ELK3: variants seen among roughly 807,000 people sequenced by gnomAD.
The protein encoded by ELK3 is ETS domain-containing protein Elk-3.
Under a neutral mutation model 28.9 loss-of-function variants are expected in ELK3, and 10 were observed. The ratio of observed to expected loss-of-function variants is 0.35; its 90% confidence interval spans 0.21 to 0.59. The LOEUF (loss-of-function observed/expected upper bound fraction) is 0.59, where lower values mean the gene tolerates loss of function less well. Ranked by LOEUF, ELK3 falls within the 20% of genes least tolerant of loss-of-function variation. The pLI is 0.82. For synonymous variants in ELK3, 272 were observed against 243.5 expected, an observed-to-expected ratio of 1.12 and a Z score of -1.09; for missense variants, 463 against 517.3, an observed-to-expected ratio of 0.90 and a Z score of 1.02.
In ELK3 at chr12:96,224,921, G is replaced by A. The variant is rs139978970; in HGVS notation, c.207+1148G>A. On this transcript the variant is annotated intron_variant, in intron 2 of 4. Transcript: ENST00000228741. ...GGAATTCAAGACATAAGGATTATACGTTTCAGGAAGTAGAGACATCATTAA... is the reference window on the plus strand; with the variant it reads ...GGAATTCAAGACATAAGGATTATACATTTCAGGAAGTAGAGACATCATTAA... Among the ~76,000 whole-genome samples the A allele has an allele frequency of 4.6e-3, 704 of 152,242 alleles. 3 individuals carry two copies. Among genetic ancestry groups the A allele is most frequent in the African/African-American group, 0.015 (634 of 41,538 alleles).
At chr12:96,236,581 G>GGTGTGTACGTGTGTGT (rs1416246316) in intron 2 of ELK3, among the ~76,000 whole-genome samples, 1 of 152,120 alleles carries the variant, frequency 6.6e-6, no homozygotes, top group Non-Finnish European at 1.5e-5. Context: ...GGTGTGAGTG[G>GGTGTGTACGTGTGTGT]GTGTGTACGT....
chr12:96,267,040 G>A, intron 4 of ELK3, 42 bp from the exon 5 acceptor site: 3 of 1,550,742 alleles, frequency 1.9e-6, no homozygotes, highest in Non-Finnish European at 2.6e-6. Context: ...TCTTCCCAAT[G>A]GATTTGCAAT....
At chr12:96,233,118 C>T (rs1013796318) in intron 2 of ELK3, among the ~76,000 whole-genome samples, 10 of 152,214 alleles carry the variant, frequency 6.6e-5, no homozygotes, top group Admixed American at 2.0e-4. Flanking sequence ...GAATCTATTT[C>T]TCTCTGCTGG....
At chr12:96,243,078 G>A (rs1169806973) in intron 2 of ELK3, among the ~76,000 whole-genome samples, 2 of 152,140 alleles carry the variant, frequency 1.3e-5, no homozygotes, top group Non-Finnish European at 1.5e-5. Flanking sequence ...GTTGCTTCTA[G>A]CTATAGAAAG....
chr12:96,224,737 G>A (rs1434532160), intron 2 of ELK3, among the ~76,000 whole-genome samples: 1 of 152,184 alleles, frequency 6.6e-6, no homozygotes, highest in African/African-American at 2.4e-5. Flanking sequence ...TGAATCTGTT[G>A]TTGCTGAATA....
intron 2 of ELK3, among the ~76,000 whole-genome samples, chr12:96,229,470 C>T (rs556527642): frequency 3.3e-5 from 5 of 150,682 alleles, no homozygotes; most frequent in South Asian, 2.1e-4. Context: ...TCACTCGGAT[C>T]GCTGCCCCCA....
At chr12:96,226,001 G>T (rs1366725342) in intron 2 of ELK3, among the ~76,000 whole-genome samples, 5 of 152,064 alleles carry the variant, frequency 3.3e-5, no homozygotes, top group Non-Finnish European at 5.9e-5. Context: ...GTGTGGAAGT[G>T]CATGCCTGTA....
chr12:96,250,763 T>TAAACATTTGATAATCTGTGGGCTG (rs1951899012), intron 3 of ELK3, among the ~76,000 whole-genome samples: 1 of 152,212 alleles, frequency 6.6e-6, no homozygotes, highest in Admixed American at 6.5e-5. Flanking sequence ...TGTGTGCACA[T>TAAACATTTGATAATCTGTGGGCTG]AAACATTTGA....
chr12:96,195,059 T>C (rs1951453595), intron 1 of ELK3, among the ~76,000 whole-genome samples: 1 of 151,622 alleles, frequency 6.6e-6, no homozygotes, highest in African/African-American at 2.4e-5. Flanking sequence ...AGGGCCCCGC[T>C]GCAGGCAGCG....
chr12:96,210,382 A>G (rs746355468), intron 1 of ELK3, among the ~76,000 whole-genome samples: 2 of 152,186 alleles, frequency 1.3e-5, no homozygotes, highest in Non-Finnish European at 2.9e-5. Context: ...GGACCTTGCC[A>G]GATCCTGTCA....
chr12:96,254,999 T>C (rs993098497), intron 3 of ELK3, among the ~76,000 whole-genome samples: 2 of 152,074 alleles, frequency 1.3e-5, no homozygotes, highest in African/African-American at 4.8e-5. Context: ...CTGAATTGTT[T>C]TAGGAATCAC....
At chr12:96,211,486 TTTGTGTGTGTGTGTGTGTGTGTG>T (rs1321651097) in intron 1 of ELK3, among the ~76,000 whole-genome samples, 1 of 133,320 alleles carries the variant, frequency 7.5e-6, no homozygotes, top group African/African-American at 3.0e-5. Flanking sequence ...TCATTGTGTG[TTTGTGTGTGTGTGTGTGTGTGTG>T]TGTGTGTGTG....
chr12:96,212,037 A>G (rs896377280), intron 1 of ELK3, among the ~76,000 whole-genome samples: 1 of 152,220 alleles, frequency 6.6e-6, no homozygotes, highest in African/African-American at 2.4e-5. Context: ...TTGGGCGATA[A>G]GAACCTCAGT....
At chr12:96,230,377 G>C (rs754883791) in intron 2 of ELK3, among the ~76,000 whole-genome samples, 1 of 152,108 alleles carries the variant, frequency 6.6e-6, no homozygotes, top group Non-Finnish European at 1.5e-5. Flanking sequence ...AGACACTGCT[G>C]GGCTTTTTGT....
Position 96,204,993 on chromosome 12 carries a change from G to A in ELK3, c.-3+10288G>A, listed in dbSNP as rs1413278510. Among the ~76,000 whole-genome samples, 6 of 152,356 alleles carry A rather than the reference G, an allele frequency of 3.9e-5. No individual in the cohort carries two copies. The East Asian group carries it at 1.2e-3, about 29-fold the overall frequency. On this transcript the variant is annotated intron_variant, in intron 1 of 4. Coordinates refer to ENST00000228741, the MANE Select transcript of ELK3 (RefSeq NM_005230.4). ...GGAGTGTGTATGCGCCTTTACGGAT[G>A]TGGGCTGCAAGAGGGAGGTCTGTGT... is the stretch of plus-strand genomic sequence containing the variant.
intron 2 of ELK3, among the ~76,000 whole-genome samples, chr12:96,228,416 C>CGAAAAAAA (rs1951719424): frequency 1.5e-5 from 1 of 68,296 alleles, no homozygotes. Context: ...GACTCTGTGT[C>CGAAAAAAA]AAAAAAAAAA....
intron 3 of ELK3, among the ~76,000 whole-genome samples, chr12:96,251,660 A>G (rs551640871): frequency 6.6e-6 from 1 of 152,348 alleles, no homozygotes; most frequent in African/African-American, 2.4e-5. Context: ...GTTGATATGG[A>G]GAAAGTTTTA....
At chr12:96,199,232 T>C (rs1475562230) in intron 1 of ELK3, among the ~76,000 whole-genome samples, 1 of 152,230 alleles carries the variant, frequency 6.6e-6, no homozygotes, top group Non-Finnish European at 1.5e-5. Context: ...CTTGAAATTA[T>C]CCAACTATGA....
At chr12:96,213,173 G>A (rs1049824916) in intron 1 of ELK3, among the ~76,000 whole-genome samples, 1 of 152,130 alleles carries the variant, frequency 6.6e-6, no homozygotes, top group Non-Finnish European at 1.5e-5. Context: ...AGCCTTTGGC[G>A]CAGTGCCATG....
Sources: gnomAD v4.1 joint callset for allele counts (sites outside exome capture counted in the v4.1 genomes callset) on GRCh38, gnomAD v4.1.1 for gene constraint, MANE v1.5 for transcripts, NCBI Gene and HGNC (gene_info 2026-07-23, HGNC 2026-07-21) for gene names.